CTNNA2: variants seen among roughly 807,000 people sequenced by gnomAD.
The protein encoded by CTNNA2 is catenin alpha 2, also known as catenin alpha-2.
Under a neutral mutation model 101.0 loss-of-function variants are expected in CTNNA2, and 42 were observed. The observed-to-expected ratio is 0.42, with a 90% CI of 0.32 to 0.54. The LOEUF (loss-of-function observed/expected upper bound fraction) is 0.54. Among genes scored for constraint, CTNNA2 ranks in the 20% least tolerant of loss-of-function variants. The probability of loss-of-function intolerance (pLI) is 0.14; values close to 1 mark genes in which losing one functional copy is unlikely to be tolerated. For synonymous variants in CTNNA2, 450 were observed against 456.4 expected, an observed-to-expected ratio of 0.99 and a Z score of 0.18; for missense variants, 871 against 1,223.1, an observed-to-expected ratio of 0.71 and a Z score of 4.29.
At chr2:79,394,382 G>A (rs574391229) in intron 4 of CTNNA2, among the ~76,000 whole-genome samples, 2 of 152,258 alleles carry the variant, frequency 1.3e-5, no homozygotes, top group African/African-American at 4.8e-5. Flanking sequence ...CCTTCTGTGA[G>A]TAACATCATG....
chr2:80,049,837 A>G (rs193224912), intron 7 of CTNNA2, among the ~76,000 whole-genome samples: 111 of 152,148 alleles, frequency 7.3e-4, no homozygotes, highest in Admixed American at 1.5e-3. Flanking sequence ...TTTTTTTCCA[A>G]TTCTGCTCTT....
chr2:79,855,257 C>T (rs888824164), intron 3 of CTNNA2, among the ~76,000 whole-genome samples: 6 of 152,064 alleles, frequency 3.9e-5, no homozygotes, highest in East Asian at 3.9e-4. Context: ...CTCCCTCTCA[C>T]GGACATCTGC....
chr2:79,326,744 G>T (rs1676756679), intron 3 of CTNNA2, among the ~76,000 whole-genome samples: 1 of 152,162 alleles, frequency 6.6e-6, no homozygotes. Flanking sequence ...TAGAAAACTA[G>T]AGCTTCAAGT....
chr2:79,854,655 C>A (rs1010576551), intron 3 of CTNNA2, among the ~76,000 whole-genome samples: 3 of 152,080 alleles, frequency 2.0e-5, no homozygotes, highest in African/African-American at 7.2e-5. Flanking sequence ...TTCCGTTGGT[C>A]CCTTATTTGG....
At chr2:79,465,497 A>AT (rs1317249262) in intron 4 of CTNNA2, among the ~76,000 whole-genome samples, 4 of 152,016 alleles carry the variant, frequency 2.6e-5, no homozygotes, top group African/African-American at 7.3e-5. Context: ...AATTTAAAGT[A>AT]TTTTTTTCCA....
chr2:79,587,516 T>G (rs1376091869), intron 1 of CTNNA2, among the ~76,000 whole-genome samples: 1 of 152,198 alleles, frequency 6.6e-6, no homozygotes, highest in African/African-American at 2.4e-5. Context: ...TCCTGGCCTC[T>G]TTCTGTTTCT....
intron 2 of CTNNA2, among the ~76,000 whole-genome samples, chr2:79,292,057 G>C (rs571421066): frequency 1.3e-5 from 2 of 152,220 alleles, no homozygotes; most frequent in East Asian, 3.9e-4. Context: ...GCTCATCTTA[G>C]AGAAGTAAAA....
chr2:79,384,596 A>T (rs1678077219), intron 4 of CTNNA2, among the ~76,000 whole-genome samples: 1 of 152,158 alleles, frequency 6.6e-6, no homozygotes, highest in East Asian at 1.9e-4. Flanking sequence ...GGTACTTAGG[A>T]TGTTAGGTAC....
chr2:79,855,971 T>C (rs983526871), intron 3 of CTNNA2, among the ~76,000 whole-genome samples: 3 of 152,178 alleles, frequency 2.0e-5, no homozygotes, highest in Non-Finnish European at 4.4e-5. Flanking sequence ...ACTTTTTTTA[T>C]TTGTGAGGAG....
chr2:80,157,125 C>A (rs1216958772), intron 7 of CTNNA2, among the ~76,000 whole-genome samples: 1 of 152,096 alleles, frequency 6.6e-6, no homozygotes, highest in Non-Finnish European at 1.5e-5. Context: ...TTCCTTGTTG[C>A]AAACTTCCTC....
chr2:79,538,929 A>G (rs747295634), intron 1 of CTNNA2, among the ~76,000 whole-genome samples: 2 of 152,200 alleles, frequency 1.3e-5, no homozygotes, highest in Non-Finnish European at 2.9e-5. Flanking sequence ...AAGTCAGGTG[A>G]GGCCTTATGA....
At chr2:79,393,628 G>GGA (rs1553408186) in intron 4 of CTNNA2, among the ~76,000 whole-genome samples, 6 of 89,036 alleles carry the variant, frequency 6.7e-5, no homozygotes, top group Non-Finnish European at 9.3e-5. Flanking sequence ...TGTTCACAGA[G>GGA]AAAAAAAAAA....
At chr2:80,474,559 A>G (rs766932270) in intron 9 of CTNNA2, among the ~76,000 whole-genome samples, 17 of 152,150 alleles carry the variant, frequency 1.1e-4, no homozygotes, top group Non-Finnish European at 2.2e-4. Context: ...ACTGTTACAT[A>G]CCTACATTTT....
chr2:80,351,339 G>A (rs997379673), intron 7 of CTNNA2, among the ~76,000 whole-genome samples: 1 of 152,096 alleles, frequency 6.6e-6, no homozygotes, highest in African/African-American at 2.4e-5. Flanking sequence ...ATAGCCAGGG[G>A]AAGAACTCCA....
At chr2:79,466,125 C>T (rs181221003) in intron 4 of CTNNA2, among the ~76,000 whole-genome samples, 2 of 152,320 alleles carry the variant, frequency 1.3e-5, no homozygotes, top group Non-Finnish European at 2.9e-5. Context: ...TCAGGGAATT[C>T]CCTTTCCTAG....
chr2:79,827,060 G>A, intron 3 of CTNNA2, among the ~76,000 whole-genome samples: 1 of 151,868 alleles, frequency 6.6e-6, no homozygotes, highest in East Asian at 1.9e-4. Context: ...GTTTTTTGAG[G>A]CAAAGTCCCA....
chr2:80,078,069 A>T (rs1698875181), intron 7 of CTNNA2, among the ~76,000 whole-genome samples: 1 of 152,126 alleles, frequency 6.6e-6, no homozygotes, highest in Admixed American at 6.5e-5. Flanking sequence ...GAAACATGTG[A>T]ATCTATCCGG....
intron 7 of CTNNA2, among the ~76,000 whole-genome samples, chr2:80,364,864 G>A (rs2149323054): frequency 6.6e-6 from 1 of 152,174 alleles, no homozygotes; most frequent in Admixed American, 6.5e-5. Flanking sequence ...TCTAAGCAAG[G>A]GAAAGATTCC....
At chr2:79,644,189 C>T (rs1267626857) in intron 1 of CTNNA2, among the ~76,000 whole-genome samples, 1 of 152,080 alleles carries the variant, frequency 6.6e-6, no homozygotes, top group Non-Finnish European at 1.5e-5. Context: ...AGGTGGCCAC[C>T]ACCACACCTA....
Sources: allele counts gnomAD v4.1 joint callset (sites outside exome capture counted in the v4.1 genomes callset), GRCh38; gene constraint gnomAD v4.1.1; transcripts MANE v1.5; gene names NCBI Gene and HGNC (gene_info 2026-07-23, HGNC 2026-07-21).